The following KIF12 variants were observed in gnomAD, a reference collection of about 807,000 sequenced individuals.
The protein encoded by KIF12 is kinesin-like protein KIF12.
In KIF12, 80 loss-of-function variants were observed where a neutral mutation model predicts 87.9. That is an observed-to-expected ratio of 0.91 (90% confidence interval 0.76 to 1.10). KIF12 has a LOEUF of 1.10. Ranked by LOEUF, KIF12 falls within the 50% of genes least tolerant of loss-of-function variation. KIF12 has a pLI of 0.00. For missense variants in KIF12, 819 were observed against 865.3 expected (o/e 0.95, Z 0.67); for synonymous variants, 353 against 348.5 (o/e 1.01, Z -0.14).
At position 114,095,545 on chromosome 9, in the gene KIF12, C is replaced by T. The variant is rs147415703; in HGVS notation, c.896-213G>A. Among the ~76,000 whole-genome samples the T allele has an allele frequency of 4.7e-4, 72 of 152,322 alleles. 1 individual carries two copies. The highest frequency in any genetic ancestry group is 3.4e-3 in the Middle Eastern group (1 of 294). On this transcript the variant is annotated intron_variant, in intron 9 of 18. Coordinates refer to ENST00000640217, the MANE Select transcript of KIF12 (RefSeq NM_001388308.1). Reference sequence around the variant, plus strand: ...CCCTGTATACCCTGACCCTCAATGCCCAGCAAAGTGCCTGGTACTCAGGCA... The same window carrying T: ...CCCTGTATACCCTGACCCTCAATGCTCAGCAAAGTGCCTGGTACTCAGGCA...
rs1323442609 is a variant in KIF12, at chr9:114,096,457, G to C, written c.668C>G (p.Ser223Ter). The change falls in exon 8 of 19, where the codon TCA (serine) becomes TGA (stop). Residue 223 changes from serine to a stop codon, truncating the protein, a stop_gained. Transcript: ENST00000640217. LOFTEE classifies it high-confidence loss of function. ...GGAGGCCTGGTTCAGGGTGTGGGCT[G>C]AGTTCCTTCGACGGCTGAGACCTGG... ...LQTGLSRRRN[S>*]AHTLNQASSR... is the part of the protein sequence containing the mutation. 1 of 1,611,724 alleles carries C rather than the reference G, an allele frequency of 6.2e-7. No individual in the cohort carries two copies. Among genetic ancestry groups the C allele is most frequent in the Non-Finnish European group, 8.5e-7 (1 of 1,179,114 alleles).
chr9:114,095,155 C>T lies in KIF12; in HGVS notation c.1015-28G>A, dbSNP rs748159989. 3.7e-5 allele frequency: 60 copies of T among 1,608,366 alleles called. 1 individual carries two copies. In the East Asian group the frequency reaches 1.3e-3, roughly 35 times the overall value. ...GGGGAGTGCACTCCCCCTGAGCGCT[C>T]CTCTCTGAGGGCCCCTTCCTCAAGA... On this transcript the variant is annotated intron_variant, in intron 10 of 18. Coordinates refer to ENST00000640217, the MANE Select transcript of KIF12 (RefSeq NM_001388308.1).
intron 9 of KIF12, among the ~76,000 whole-genome samples, chr9:114,095,687 C>A (rs997042409): frequency 5.3e-5 from 8 of 152,166 alleles, no homozygotes; most frequent in African/African-American, 1.9e-4. Flanking sequence ...AGGTCCAATA[C>A]CCTGGGGTGG....
At chr9:114,099,226 C>G in intron 1 of KIF12, 25 bp downstream of exon 1, 1 of 1,550,966 alleles carries the variant, frequency 6.4e-7, no homozygotes, top group Non-Finnish European at 8.7e-7. Flanking sequence ...CAGGACTCCT[C>G]GAACCTGTCT....
At chr9:114,099,052 T>C (rs1399481361) in intron 2 of KIF12, 39 bp from the exon 3 acceptor site, 5 of 1,550,422 alleles carry the variant, frequency 3.2e-6, no homozygotes, top group East Asian at 2.4e-5. Context: ...CATCCTGATG[T>C]CTTCCTCGAT....
rs530645692 is a variant in KIF12 at position 114,099,162 on chromosome 9, C to T, written c.34G>A (p.Ala12Thr). Residue 12 changes from alanine to threonine, a missense_variant, in exon 2 of 19, where the codon GCG becomes ACG. Coordinates refer to ENST00000640217, the MANE Select transcript of KIF12 (RefSeq NM_001388308.1). The part of the protein sequence containing the change: ...EERGSPDGDL[A>T]RSLEQGPEGP... ...TCTGGCCCTTGCTCCAGGCTCCGCG[C>T]GAGATCCCTGTGGGCAGCAATGCGA... The T allele has an allele frequency of 6.4e-7, 1 of 1,550,662 alleles. No homozygotes were observed. Among genetic ancestry groups the T allele is most frequent in the African/African-American group, 1.4e-5 (1 of 73,056 alleles).
In KIF12 at chr9:114,094,274, G is replaced by A; in HGVS notation, c.1223-3C>T. The A allele has an allele frequency of 6.2e-7, 1 of 1,613,664 alleles. No individual in the cohort carries two copies. Among genetic ancestry groups the A allele is most frequent in the Non-Finnish European group, 8.5e-7 (1 of 1,179,620 alleles). On this transcript the variant is annotated splice_region_variant and splice_polypyrimidine_tract_variant and intron_variant, in intron 12 of 18. Coordinates refer to ENST00000640217, the MANE Select transcript of KIF12 (RefSeq NM_001388308.1). Reference sequence around the variant, plus strand: ...CCGGGCTCCACTGAGCCCTGAGGCTGCAGGGAAGCAGGAGGTGGTGGATCC... The same window carrying A: ...CCGGGCTCCACTGAGCCCTGAGGCTACAGGGAAGCAGGAGGTGGTGGATCC...
In KIF12 at chr9:114,097,639, G is replaced by T. The variant is rs1249032512; in HGVS notation, c.478C>A (p.Arg160Ser). 6.2e-7 allele frequency: 1 copy of T among 1,611,432 alleles called. No individual in the cohort carries two copies. Among genetic ancestry groups the T allele is most frequent in the Non-Finnish European group, 8.5e-7 (1 of 1,179,026 alleles). The change falls in exon 6 of 19, where the codon CGC (arginine) becomes AGC (serine). Residue 160 changes from arginine to serine, a missense_variant. Physicochemically the swap from Arg to Ser is moderately radical, Grantham distance 110. Coordinates refer to ENST00000640217, the MANE Select transcript of KIF12 (RefSeq NM_001388308.1). ...VQHLGAPVTL[R>S]ASYLEIYNEQ... ...TTGTAGATCTCCAGATAAGAGGCGC[G>T]AAGGGTGACAGGGGCACCCAGGTGC... is the stretch of plus-strand genomic sequence containing the variant.
Position 114,091,728 on chromosome 9 carries a change from G to T in KIF12, c.*133C>A. On this transcript the variant is annotated 3_prime_UTR_variant, in exon 19 of 19. Transcript: ENST00000640217. The stretch of plus-strand genomic sequence containing the variant: ...CTTGTTCCCCTAAATAGCACCCCCA[G>T]TCCCCGCCCCTAGCCCAGCTGCAGG... 1.1e-6 allele frequency: 1 copy of T among 936,496 alleles called. No individual in the cohort carries two copies. The highest frequency in any genetic ancestry group is 1.5e-6 in the Non-Finnish European group (1 of 648,332). The allele number at this position is 936,496 out of a possible 1,614,324, so 58.0% of individuals were successfully genotyped here.
intron 11 of KIF12, among the ~76,000 whole-genome samples, chr9:114,094,803 C>T (rs1238822196): frequency 6.6e-6 from 1 of 152,208 alleles, no homozygotes; most frequent in Non-Finnish European, 1.5e-5. Context: ...AATCATATCC[C>T]AACTCAAACT....
intron 9 of KIF12, among the ~76,000 whole-genome samples, chr9:114,095,793 T>C (rs1847200309): frequency 6.6e-6 from 1 of 152,242 alleles, no homozygotes; most frequent in Admixed American, 6.5e-5. Context: ...GTTCATCTTC[T>C]GCAGTTGAGT....
intron 13 of KIF12, 72 bp from the exon 14 acceptor site, chr9:114,094,044 T>A: frequency 6.8e-7 from 1 of 1,468,492 alleles, no homozygotes; most frequent in Non-Finnish European, 9.5e-7. Flanking sequence ...CTCCTCCTCA[T>A]TGCAGCATAG....
intron 7 of KIF12, 73 bp from the exon 8 acceptor site, chr9:114,096,551 A>G: frequency 1.5e-6 from 2 of 1,294,288 alleles, no homozygotes; most frequent in Non-Finnish European, 2.2e-6. Context: ...AAAAGGAGCA[A>G]AGGAATCCTG....
At position 114,092,345 on chromosome 9, in the gene KIF12, G is replaced by A. The variant is rs1173961152; in HGVS notation, c.1804C>T (p.Pro602Ser). 1 of 1,590,668 alleles carries A rather than the reference G, an allele frequency of 6.3e-7. No homozygotes were observed. The highest frequency in any genetic ancestry group is 2.2e-5 in the East Asian group (1 of 44,614). Residue 602 changes from proline to serine, a missense_variant, in exon 18 of 19, where the codon CCA (proline) becomes TCA (serine). By Grantham distance (74) the Pro-to-Ser change is moderately conservative (BLOSUM62 -1). Transcript: ENST00000640217. ...CTCCCTTCTTCACCTCTGAGCCCTG[G>A]TGATGTCTTCGGGGGCCTCACAGGC... ...PLPVRPPKTS[P>S]GLRGGAGVPN...
intron 8 of KIF12, 54 bp downstream of exon 8, chr9:114,096,333 C>T: frequency 1.9e-6 from 3 of 1,595,596 alleles, no homozygotes; most frequent in Non-Finnish European, 2.6e-6. Context: ...TGTCCAGATA[C>T]AGACCCTTGC....
At chr9:114,097,070 A>G (rs1847261490) in intron 7 of KIF12, among the ~76,000 whole-genome samples, 1 of 152,226 alleles carries the variant, frequency 6.6e-6, no homozygotes, top group South Asian at 2.1e-4. Flanking sequence ...GCCCTGGGCT[A>G]GAGAGGAGAG....
chr9:114,099,021 C>T lies in KIF12; in HGVS notation c.93-8G>A. 1 of 1,550,306 alleles carries T rather than the reference C, an allele frequency of 6.5e-7. No individual in the cohort carries two copies. On this transcript the variant is annotated splice_polypyrimidine_tract_variant and splice_region_variant and intron_variant, in intron 2 of 18. Transcript: ENST00000640217. ...GCGCTCATGGGACGTACCCTGGGGT[C>T]CGACAGAAGGGCAGATGGTACATCC... is the stretch of plus-strand genomic sequence containing the variant.
At position 114,094,188 on chromosome 9, in the gene KIF12, T is replaced by A. The variant is rs145808392; in HGVS notation, c.1306A>T (p.Arg436Trp). 5.0e-6 allele frequency: 8 copies of A among 1,613,354 alleles called. No individual in the cohort carries two copies. Among genetic ancestry groups the A allele is most frequent in the African/African-American group, 1.3e-5 (1 of 74,878 alleles). The change falls in exon 13 of 19, where the codon AGG becomes TGG. Residue 436 changes from arginine (R) to tryptophan (W), a missense_variant. Transcript: ENST00000640217. ...CTGTGGGCTGTGCCCTACCTGAGCC[T>A]CTCATTCTCTAGCATGAACTCCTGT... ...MLQEFMLENERLRKEKSQLQN... is the reference protein window; with the variant it reads ...MLQEFMLENEWLRKEKSQLQN...
chr9:114,092,081 G>A, intron 18 of KIF12, 81 bp from the exon 19 acceptor site: 1 of 1,508,168 alleles, frequency 6.6e-7, no homozygotes, highest in Non-Finnish European at 8.9e-7. Flanking sequence ...ACACCCTCTG[G>A]AGAAGCCTCA....
Sources: allele counts gnomAD v4.1 joint callset (sites outside exome capture counted in the v4.1 genomes callset), GRCh38; gene constraint gnomAD v4.1.1; transcripts MANE v1.5; gene names NCBI Gene and HGNC (gene_info 2026-07-23, HGNC 2026-07-21).